USP3: variants seen among roughly 807,000 people sequenced by gnomAD.
USP3 encodes the protein ubiquitin carboxyl-terminal hydrolase 3.
A neutral mutation model predicts 72.3 loss-of-function variants in USP3; 20 were observed. That is an observed-to-expected ratio of 0.28 (90% CI 0.19 to 0.40). The LOEUF is 0.40. USP3 is among the 10% of genes least tolerant of loss of function. The probability of loss-of-function intolerance (pLI) is 1.00; values close to 1 mark genes in which losing one functional copy is unlikely to be tolerated. For missense variants in USP3, 479 were observed against 633.9 expected (o/e 0.76, Z 2.62); for synonymous variants, 222 against 225.3 (o/e 0.99, Z 0.13).
In USP3 at chr15:63,570,686, T is replaced by C. The variant is rs755456398; in HGVS notation, c.908+107T>C. On this transcript the variant is annotated intron_variant, in intron 9 of 14. Transcript: ENST00000380324. This position sits in a 1 kb window ranked among gnomAD's most constrained non-coding sequence, Gnocchi z 4.4. Reference sequence around the variant, plus strand: ...AAGGTAGAGGGGTTTCTTGGACATTTGCTGGAACTTTTCGTGCCCTTGAAC... The same window carrying C: ...AAGGTAGAGGGGTTTCTTGGACATTCGCTGGAACTTTTCGTGCCCTTGAAC... 1 of 1,489,460 alleles carries C rather than the reference T, an allele frequency of 6.7e-7. No individual in the cohort carries two copies. Among genetic ancestry groups the C allele is most frequent in the Non-Finnish European group, 9.0e-7 (1 of 1,115,494 alleles). The allele number at this position is 1,489,460 out of a possible 1,614,324, so 92.3% of individuals were successfully genotyped here. A position where few individuals can be genotyped will look rare whatever the true frequency, so the allele number is the denominator to read the frequency against.
At chr15:63,580,892 T>A (rs2066946239) in intron 11 of USP3, among the ~76,000 whole-genome samples, 1 of 151,738 alleles carries the variant, frequency 6.6e-6, no homozygotes, top group African/African-American at 2.4e-5. Flanking sequence ...CACTGCAACC[T>A]CCACTTCCCA....
intron 11 of USP3, among the ~76,000 whole-genome samples, chr15:63,576,780 T>A (rs186816206): frequency 6.6e-6 from 1 of 152,238 alleles, no homozygotes; most frequent in Non-Finnish European, 1.5e-5. Flanking sequence ...TAAGAGCTTA[T>A]TGTCGGCTTT....
intron 9 of USP3, among the ~76,000 whole-genome samples, chr15:63,571,346 C>T (rs2066775753): frequency 6.6e-6 from 1 of 152,128 alleles, no homozygotes; most frequent in Non-Finnish European, 1.5e-5. Context: ...GCCTGGCAGT[C>T]CATAAATCGG....
At chr15:63,583,698 C>G (rs1350134318) in intron 11 of USP3, among the ~76,000 whole-genome samples, 1 of 152,112 alleles carries the variant, frequency 6.6e-6, no homozygotes, top group Non-Finnish European at 1.5e-5. Context: ...TTTGTCTATT[C>G]TAGGCACCTC....
chr15:63,546,618 G>A (rs1002003717), intron 3 of USP3, among the ~76,000 whole-genome samples: 1 of 151,930 alleles, frequency 6.6e-6, no homozygotes, highest in African/African-American at 2.4e-5. Flanking sequence ...TATTTTTTGT[G>A]AGATGGAGTC....
intron 11 of USP3, among the ~76,000 whole-genome samples, chr15:63,578,185 A>G (rs1221310278): frequency 6.6e-6 from 1 of 152,140 alleles, no homozygotes; most frequent in Non-Finnish European, 1.5e-5. Context: ...CCAAGGCAGA[A>G]TAATGGCTTG....
At chr15:63,526,428 G>T (rs2065982579) in intron 1 of USP3, among the ~76,000 whole-genome samples, 1 of 152,148 alleles carries the variant, frequency 6.6e-6, no homozygotes. Flanking sequence ...TCATTGGATT[G>T]TAGAAGATTA....
chr15:63,521,809 A>G (rs1845873112), intron 1 of USP3, among the ~76,000 whole-genome samples: 1 of 152,186 alleles, frequency 6.6e-6, no homozygotes, highest in African/African-American at 2.4e-5. Context: ...AGGACAAGAC[A>G]ATTATACATG....
chr15:63,584,431 T>C (rs1270576149), intron 11 of USP3, among the ~76,000 whole-genome samples: 2 of 152,156 alleles, frequency 1.3e-5, no homozygotes, highest in African/African-American at 2.4e-5. Flanking sequence ...ACTTGCTAGC[T>C]AACACGTTAT....
rs1469184718 is a variant in USP3 at position 63,570,157 on chromosome 15, A to G, written c.762-276A>G. Among the ~76,000 whole-genome samples the G allele has an allele frequency of 6.6e-6, 1 of 152,144 alleles. No homozygotes were observed. Among genetic ancestry groups the G allele is most frequent in the African/African-American group, 2.4e-5 (1 of 41,432 alleles). ...TGGGGAAGTCACATACCACCCCGCC[A>G]CCTCCACAATTTCCTCACCTCTGAA... On this transcript the variant is annotated intron_variant, in intron 8 of 14. Transcript: ENST00000380324. This position sits in a 1 kb window ranked among gnomAD's most constrained non-coding sequence, Gnocchi z 4.4.
rs77407063 is a variant in USP3 at position 63,589,247 on chromosome 15, C to T, written c.1397+236C>T. 2.4e-3 allele frequency: 1,349 copies of T among 551,612 alleles called. 20 individuals are homozygous for T. Among genetic ancestry groups the T allele is most frequent in the African/African-American group, 0.023 (1,223 of 53,084 alleles). 34.2% of individuals were successfully genotyped at this position (551,612 alleles called of 1,614,324 possible). A position where few individuals can be genotyped will look rare whatever the true frequency, so the allele number is the denominator to read the frequency against. On this transcript the variant is annotated intron_variant, in intron 14 of 14. Coordinates refer to ENST00000380324, the MANE Select transcript of USP3 (RefSeq NM_006537.4). The stretch of plus-strand genomic sequence containing the variant: ...TCATTTGAACCCAGTATTTACGACC[C>T]AGTCTTTATTTGTCCACAAACTCCA...
intron 2 of USP3, among the ~76,000 whole-genome samples, chr15:63,536,074 G>C (rs1416820955): frequency 2.0e-5 from 3 of 152,164 alleles, no homozygotes; most frequent in Non-Finnish European, 2.9e-5. Flanking sequence ...CCTTATTTCA[G>C]TTTCATTGTG....
At chr15:63,582,955 C>T (rs567385864) in intron 11 of USP3, among the ~76,000 whole-genome samples, 8 of 152,240 alleles carry the variant, frequency 5.3e-5, no homozygotes, top group African/African-American at 1.7e-4. Flanking sequence ...TCTCAGTGCT[C>T]CTCAGGGTAT....
At chr15:63,540,226 C>T (rs2066224059) in intron 3 of USP3, among the ~76,000 whole-genome samples, 1 of 152,150 alleles carries the variant, frequency 6.6e-6, no homozygotes, top group Non-Finnish European at 1.5e-5. Flanking sequence ...TAGTCCCTGC[C>T]CTGTCCTATG....
At chr15:63,512,298 C>A (rs1228222428) in intron 1 of USP3, among the ~76,000 whole-genome samples, 2 of 148,416 alleles carry the variant, frequency 1.3e-5, no homozygotes, top group Non-Finnish European at 3.0e-5. Flanking sequence ...TCCTCTTCTT[C>A]TTCCTCCTCT....
chr15:63,519,801 T>C (rs951027428), intron 1 of USP3, among the ~76,000 whole-genome samples: 5 of 152,218 alleles, frequency 3.3e-5, no homozygotes, highest in African/African-American at 1.2e-4. Flanking sequence ...CATTCTGCTA[T>C]AAGAAAGAAC....
intron 11 of USP3, among the ~76,000 whole-genome samples, chr15:63,576,665 C>T (rs1234470701): frequency 1.3e-5 from 2 of 152,182 alleles, no homozygotes; most frequent in African/African-American, 2.4e-5. Context: ...CTGGTATTAG[C>T]TTCAGGGGGC....
intron 4 of USP3, chr15:63,556,405 G>C (rs2066509186): frequency 3.1e-6 from 1 of 319,660 alleles, no homozygotes; most frequent in Middle Eastern, 9.1e-4. Context: ...GTGGTGGGGA[G>C]TGTCCCACGG....
intron 11 of USP3, among the ~76,000 whole-genome samples, chr15:63,587,256 GC>G (rs1459740052): frequency 6.6e-6 from 1 of 152,124 alleles, no homozygotes; most frequent in African/African-American, 2.4e-5. Flanking sequence ...TCTAGGAGAG[GC>G]CGTGCACAGA....
Sources: gnomAD v4.1 joint callset for allele counts (sites outside exome capture counted in the v4.1 genomes callset) on GRCh38, gnomAD v4.1.1 for gene constraint, Gnocchi (gnomAD v3.1) non-coding constraint, MANE v1.5 for transcripts, NCBI Gene and HGNC (gene_info 2026-07-23, HGNC 2026-07-21) for gene names.